Variants in BAZ2B observed in about 807,000 individuals in gnomAD.
BAZ2B encodes the protein bromodomain adjacent to zinc finger domain 2B, also known as bromodomain adjacent to zinc finger domain protein 2B.
A neutral mutation model predicts 246.0 loss-of-function variants in BAZ2B; 91 were observed. The observed-to-expected ratio is 0.37, with a 90% confidence interval of 0.31 to 0.44. BAZ2B has a LOEUF of 0.44. Ranked by LOEUF, BAZ2B falls within the 20% of genes least tolerant of loss-of-function variation. The pLI, the probability that BAZ2B is intolerant of heterozygous loss-of-function variation, is 1.00. For synonymous variants in BAZ2B, 855 were observed against 860.0 expected (o/e 0.99, Z 0.10); for missense variants, 2,332 against 2,533.7 (o/e 0.92, Z 1.71).
chr2:159,446,664 A>C, intron 6 of BAZ2B, 118 bp downstream of exon 6: 1 of 909,360 alleles, frequency 1.1e-6, no homozygotes, highest in Non-Finnish European at 1.6e-6. Flanking sequence ...ACGTATCTAT[A>C]AAAATAAAAG....
At chr2:159,496,122 T>C (rs1271941319) in intron 2 of BAZ2B, among the ~76,000 whole-genome samples, 2 of 145,996 alleles carry the variant, frequency 1.4e-5, no homozygotes, top group African/African-American at 5.0e-5. Context: ...ACGCCTGTAA[T>C]CCCAGCACTT....
chr2:159,495,774 CTT>C (rs199528121), intron 2 of BAZ2B, among the ~76,000 whole-genome samples: 2 of 136,734 alleles, frequency 1.5e-5, no homozygotes, highest in Non-Finnish European at 1.6e-5. Flanking sequence ...AGAAGAAATA[CTT>C]TTTTTTTTTT....
At chr2:159,316,979 C>T (rs1474731222), downstream of BAZ2B, among the ~76,000 whole-genome samples, 10 of 150,410 alleles carry the variant, frequency 6.6e-5, no homozygotes, top group African/African-American at 1.2e-4. Context: ...CCAGCCTGGG[C>T]GACCGAGCAA....
At chr2:159,355,964 T>C (rs2149227574) in intron 27 of BAZ2B, among the ~76,000 whole-genome samples, 1 of 152,324 alleles carries the variant, frequency 6.6e-6, no homozygotes, top group East Asian at 1.9e-4. Flanking sequence ...GCCCAGATAC[T>C]ACGCTTTTCC....
intron 1 of BAZ2B, among the ~76,000 whole-genome samples, chr2:159,604,931 T>TC (rs1401427044): frequency 1.4e-5 from 1 of 69,764 alleles, no homozygotes; most frequent in Non-Finnish European, 3.2e-5. Flanking sequence ...GTTAATATAT[T>TC]TTGTGTGTGT....
intron 2 of BAZ2B, among the ~76,000 whole-genome samples, chr2:159,511,634 A>G (rs916054743): frequency 3.9e-5 from 6 of 152,212 alleles, no homozygotes; most frequent in African/African-American, 1.4e-4. Context: ...TTTTTCCCCA[A>G]CTGAATCAAA....
intron 2 of BAZ2B, among the ~76,000 whole-genome samples, chr2:159,551,466 CAAAAAAA>C (rs57418948): frequency 2.8e-5 from 2 of 71,686 alleles, no homozygotes; most frequent in Non-Finnish European, 5.6e-5. Context: ...GACTCAGACT[CAAAAAAA>C]AAAAAAAAAA....
At chr2:159,456,431 A>G (rs62173205) in intron 3 of BAZ2B, among the ~76,000 whole-genome samples, 11,146 of 152,172 alleles carry the variant, frequency 0.073, 542 homozygotes, top group Middle Eastern at 0.16. Flanking sequence ...TAAGCAGTAA[A>G]TAAATGAAGT....
intron 27 of BAZ2B, among the ~76,000 whole-genome samples, chr2:159,360,348 T>C (rs536619576): frequency 1.3e-5 from 2 of 152,256 alleles, no homozygotes; most frequent in South Asian, 4.1e-4. Flanking sequence ...TGAACTCCCA[T>C]TCACAATTGC....
At chr2:159,708,738 C>T in the BAZ2B span, among the ~76,000 whole-genome samples, 1 of 152,046 alleles carries the variant, frequency 6.6e-6, no homozygotes, top group Non-Finnish European at 1.5e-5. Context: ...ATGCACAGGG[C>T]TAATTTTTAA....
intron 10 of BAZ2B, among the ~76,000 whole-genome samples, chr2:159,429,675 T>G (rs2070716177): frequency 1.3e-5 from 2 of 152,266 alleles, no homozygotes; most frequent in South Asian, 4.1e-4. Flanking sequence ...ACGATTTAAT[T>G]TCTATGTCCA....
intron 23 of BAZ2B, 54 bp from the exon 24 acceptor site, chr2:159,383,734 ATTAAT>A (rs762757799): frequency 2.1e-5 from 30 of 1,437,226 alleles, no homozygotes; most frequent in Non-Finnish European, 2.9e-5. Context: ...TATGCAATGC[ATTAAT>A]TTGATATGCA....
chr2:159,382,643 A>G lies in BAZ2B; in HGVS notation c.3921T>C (p.Ser1307=). The G allele has an allele frequency of 6.3e-7, 1 of 1,586,470 alleles. No individual in the cohort carries two copies. Among genetic ancestry groups the G allele is most frequent in the Non-Finnish European group, 8.6e-7 (1 of 1,163,768 alleles). Residue 1307 remains serine (S), a synonymous_variant, in exon 25 of 37, where the codon AGT becomes AGC. Transcript: ENST00000392783. ...CATCATCTTCATCCCCTTGGTCATC[A>G]CTGTCATCGTCATCATCATCGTCAT... ...SDYDDDDDDD[S]DDQGDEDDED... is the part of the protein sequence containing the mutation.
Position 159,439,124 on chromosome 2 carries a change from C to G in BAZ2B, c.785G>C (p.Ser262Thr). ...SSDTSSEGIS[S>T]SDSDDLEEDE... ...TTCTTCTAGATCATCTGAATCACTG[C>G]TACTAATGCCTTCACTTGAGGTGTC... Residue 262 changes from serine to threonine, a missense_variant, in exon 7 of 37, where the codon AGC becomes ACC. Physicochemically the swap from Ser to Thr is moderately conservative, Grantham distance 58. This residue lies in a region of BAZ2B where 161 missense variants were observed against 225.8 expected (regional missense o/e 0.71). Transcript: ENST00000392783. 6.2e-7 allele frequency: 1 copy of G among 1,613,938 alleles called. No individual in the cohort carries two copies. The highest frequency in any genetic ancestry group is 1.1e-5 in the South Asian group (1 of 91,062).
intron 2 of BAZ2B, among the ~76,000 whole-genome samples, chr2:159,514,598 T>C (rs1013544866): frequency 6.6e-6 from 1 of 152,206 alleles, no homozygotes; most frequent in African/African-American, 2.4e-5. Flanking sequence ...GTTAAGGGTA[T>C]GACACTGGAG....
intron 2 of BAZ2B, among the ~76,000 whole-genome samples, chr2:159,520,567 C>G (rs935188955): frequency 1.3e-5 from 2 of 152,102 alleles, no homozygotes; most frequent in Non-Finnish European, 2.9e-5. Context: ...AATAAACTTA[C>G]TATAATGCAT....
intron 1 of BAZ2B, among the ~76,000 whole-genome samples, chr2:159,565,176 C>A (rs2090256300): frequency 6.6e-6 from 1 of 152,030 alleles, no homozygotes; most frequent in African/African-American, 2.4e-5. Flanking sequence ...GGCCTCAAGA[C>A]AAATTTCACT....
chr2:159,690,588 G>C, the BAZ2B span, among the ~76,000 whole-genome samples: 1 of 152,212 alleles, frequency 6.6e-6, no homozygotes, highest in South Asian at 2.1e-4. Context: ...ATTTGAGTTA[G>C]TTTTACCATT....
the BAZ2B span, among the ~76,000 whole-genome samples, chr2:159,709,388 A>G: frequency 3.3e-5 from 5 of 152,340 alleles, no homozygotes; most frequent in African/African-American, 1.2e-4. Context: ...AATGTTTGAT[A>G]ATAGAGTAGA....
Sources: allele counts gnomAD v4.1 joint callset (sites outside exome capture counted in the v4.1 genomes callset), GRCh38; gene constraint gnomAD v4.1.1; regional missense constraint gnomAD v4.1.1; transcripts MANE v1.5; gene names NCBI Gene and HGNC (gene_info 2026-07-23, HGNC 2026-07-21).